Variants in APPBP2 observed in about 807,000 individuals in gnomAD.
APPBP2 encodes the protein amyloid beta precursor protein binding protein 2.
Under a neutral mutation model 76.0 loss-of-function variants are expected in APPBP2, and 15 were observed. That is an observed-to-expected ratio of 0.20 (90% confidence interval 0.13 to 0.30). APPBP2 has a LOEUF of 0.30. Among genes scored for constraint, APPBP2 ranks in the 10% least tolerant of loss-of-function variants. The probability of loss-of-function intolerance (pLI) is 1.00; values close to 1 mark genes in which losing one functional copy is unlikely to be tolerated. For missense variants in APPBP2, 401 were observed against 687.2 expected (o/e 0.58, Z 4.66); for synonymous variants, 222 against 242.2 (o/e 0.92, Z 0.77).
At chr17:60,488,990 A>C (rs2090703857) in intron 3 of APPBP2, among the ~76,000 whole-genome samples, 1 of 151,754 alleles carries the variant, frequency 6.6e-6, no homozygotes, top group Admixed American at 6.6e-5. Context: ...TGGGAGACTG[A>C]GCTGGGTGGA....
chr17:60,463,095 G>A (rs2090488192), intron 6 of APPBP2, among the ~76,000 whole-genome samples: 1 of 151,990 alleles, frequency 6.6e-6, no homozygotes, highest in South Asian at 2.1e-4. Flanking sequence ...TATTTATGCT[G>A]TTTACTTACT....
At chr17:60,475,073 C>CA (rs557429600) in intron 4 of APPBP2, among the ~76,000 whole-genome samples, 46 of 151,654 alleles carry the variant, frequency 3.0e-4, no homozygotes, top group Non-Finnish European at 4.6e-4. Context: ...ACTAAAAATA[C>CA]AAAAAAATTA....
chr17:60,484,746 A>G (rs535172745), intron 3 of APPBP2, among the ~76,000 whole-genome samples: 4 of 152,196 alleles, frequency 2.6e-5, no homozygotes, highest in Non-Finnish European at 5.9e-5. Context: ...CCCTGGCCAG[A>G]ACTTCCAACA....
intron 4 of APPBP2, among the ~76,000 whole-genome samples, chr17:60,476,793 G>C (rs1237390039): frequency 6.6e-6 from 1 of 152,022 alleles, no homozygotes; most frequent in Non-Finnish European, 1.5e-5. Context: ...AGGTCTTGCT[G>C]GTCTCCAATT....
At position 60,464,041 on chromosome 17, in the gene APPBP2, C is replaced by T. The variant is rs781552233; in HGVS notation, c.742G>A (p.Val248Ile). ...AGLPVKVVVD[V>I]LRQASKACVV... ...TTTACCTTAGAAGCTTGTCTTAAGACATCCACCACAACTTTCACTGGTAAG... is the reference window on the plus strand; with the variant it reads ...TTTACCTTAGAAGCTTGTCTTAAGATATCCACCACAACTTTCACTGGTAAG... The change falls in exon 6 of 13, where the codon GTC (valine) becomes ATC (isoleucine). Residue 248 changes from valine (V) to isoleucine (I), a missense_variant. This residue lies in a region of APPBP2 where 130 missense variants were observed against 322.7 expected (regional missense o/e 0.40). Transcript: ENST00000083182. 3.1e-6 allele frequency: 5 copies of T among 1,609,914 alleles called. No individual in the cohort carries two copies. The highest frequency in any genetic ancestry group is 1.1e-5 in the South Asian group (1 of 90,352).
intron 2 of APPBP2, among the ~76,000 whole-genome samples, chr17:60,495,125 C>T (rs2090763778): frequency 6.8e-6 from 1 of 147,026 alleles, no homozygotes; most frequent in South Asian, 2.1e-4. Context: ...GCTGGAACTA[C>T]AGGTACGTGT....
intron 2 of APPBP2, chr17:60,496,556 T>A (rs1363096252): frequency 6.6e-6 from 1 of 152,204 alleles, no homozygotes; most frequent in East Asian, 1.9e-4. Context: ...GGAATGTTTT[T>A]AAAAGTTTTT....
intron 3 of APPBP2, among the ~76,000 whole-genome samples, chr17:60,490,702 A>G (rs375418053): frequency 2.0e-5 from 3 of 152,074 alleles, no homozygotes; most frequent in East Asian, 3.9e-4. Context: ...TATGGGAGGG[A>G]CCTGGTGGGA....
chr17:60,497,284 A>G (rs1018040312), intron 2 of APPBP2, among the ~76,000 whole-genome samples: 1 of 152,184 alleles, frequency 6.6e-6, no homozygotes, highest in Non-Finnish European at 1.5e-5. Context: ...TATTTGTGGG[A>G]GCTAAAAATT....
chr17:60,497,843 G>C lies in APPBP2; in HGVS notation c.227+2556C>G, dbSNP rs189561769. Among the ~76,000 whole-genome samples, 312 of 152,024 alleles carry C rather than the reference G, an allele frequency of 2.1e-3. 1 individual carries two copies. Among genetic ancestry groups the C allele is most frequent in the African/African-American group, 7.3e-3 (301 of 41,480 alleles). On this transcript the variant is annotated intron_variant, in intron 2 of 12. Transcript: ENST00000083182. Reference sequence around the variant, plus strand: ...GTTAAACTTAGGGAAGAACACTAAAGAGAACAGCAAGCAGACCAGGCACGG... The same window carrying C: ...GTTAAACTTAGGGAAGAACACTAAACAGAACAGCAAGCAGACCAGGCACGG...
At chr17:60,514,681 C>G (rs1443191138) in intron 1 of APPBP2, among the ~76,000 whole-genome samples, 1 of 149,092 alleles carries the variant, frequency 6.7e-6, no homozygotes, top group Non-Finnish European at 1.5e-5. Flanking sequence ...ACAGGATTTT[C>G]CACACATTCA....
chr17:60,517,440 C>T (rs1027029307), intron 1 of APPBP2, among the ~76,000 whole-genome samples: 4 of 152,158 alleles, frequency 2.6e-5, no homozygotes, highest in African/African-American at 9.7e-5. Flanking sequence ...ACCAATTTAT[C>T]ACACTTCCTT....
At chr17:60,469,036 C>T (rs1338483127) in intron 4 of APPBP2, among the ~76,000 whole-genome samples, 2 of 152,110 alleles carry the variant, frequency 1.3e-5, no homozygotes, top group Non-Finnish European at 2.9e-5. Context: ...AAGAATTTCT[C>T]TCCTTCTTGT....
intron 1 of APPBP2, among the ~76,000 whole-genome samples, chr17:60,517,272 G>A (rs949305629): frequency 4.0e-5 from 6 of 151,852 alleles, no homozygotes; most frequent in Non-Finnish European, 2.9e-5. Flanking sequence ...CACCATGTTG[G>A]GCCTTTTCTC....
chr17:60,487,764 G>A (rs1274043176), intron 3 of APPBP2, among the ~76,000 whole-genome samples: 3 of 152,216 alleles, frequency 2.0e-5, no homozygotes, highest in East Asian at 1.9e-4. Flanking sequence ...ATCCCTTGGA[G>A]GAGAAAAGGC....
At chr17:60,513,948 C>T (rs909206999) in intron 1 of APPBP2, among the ~76,000 whole-genome samples, 2 of 150,702 alleles carry the variant, frequency 1.3e-5, no homozygotes, top group African/African-American at 4.9e-5. Flanking sequence ...TGTTGTGTTC[C>T]CCTATATTCT....
chr17:60,443,759 T>G lies in APPBP2; in HGVS notation c.*3822A>C, dbSNP rs2090321862. On this transcript the variant is annotated 3_prime_UTR_variant, in exon 13 of 13. Transcript: ENST00000083182. ...TCTTAAATTTTACTCTTGAAAAACA[T>G]GTGCACTTCAACAAACTCACTAAGG... is the stretch of plus-strand genomic sequence containing the variant. The G allele has an allele frequency of 6.6e-6, 1 of 152,604 alleles. No homozygotes were observed. The highest frequency in any genetic ancestry group is 2.4e-5 in the African/African-American group (1 of 41,440). 9.5% of individuals were successfully genotyped at this position (152,604 alleles called of 1,614,324 possible).
rs565974782 is a variant in APPBP2, at chr17:60,478,541, C to G, written c.503+607G>C. Among the ~76,000 whole-genome samples the G allele has an allele frequency of 5.9e-5, 9 of 152,284 alleles. No individual in the cohort carries two copies. The East Asian group carries it at 1.3e-3, about 23-fold the overall frequency. Reference sequence around the variant, plus strand: ...GAGTTTCCGAGCATCCAGTGTCTACCACAGTTCCTAGTACACAAGCATTCA... The same window carrying G: ...GAGTTTCCGAGCATCCAGTGTCTACGACAGTTCCTAGTACACAAGCATTCA... On this transcript the variant is annotated intron_variant, in intron 4 of 12. Transcript: ENST00000083182.
At chr17:60,486,309 C>G (rs968657191) in intron 3 of APPBP2, among the ~76,000 whole-genome samples, 1 of 152,032 alleles carries the variant, frequency 6.6e-6, no homozygotes, top group Admixed American at 6.6e-5. Context: ...TTAAAGTCTC[C>G]CATTATTATT....
Sources: gnomAD v4.1 joint callset for allele counts (sites outside exome capture counted in the v4.1 genomes callset) on GRCh38, gnomAD v4.1.1 for gene constraint, gnomAD v4.1.1 regional missense constraint, MANE v1.5 for transcripts, NCBI Gene and HGNC (gene_info 2026-07-23, HGNC 2026-07-21) for gene names.